FASN: variants seen among roughly 807,000 people sequenced by gnomAD.
The protein encoded by FASN is 3-hydroxyacyl-[acyl-carrier-protein] dehydratase.
Under a neutral mutation model 250.0 loss-of-function variants are expected in FASN, and 50 were observed. The ratio of observed to expected loss-of-function variants is 0.20; its 90% confidence interval spans 0.16 to 0.25. The LOEUF is 0.25. Among genes scored for constraint, FASN ranks in the 10% least tolerant of loss-of-function variants. The pLI is 1.00. For synonymous variants in FASN, 1,909 were observed against 1,584.0 expected (o/e 1.21, Z -4.87); for missense variants, 3,031 against 3,498.5 (o/e 0.87, Z 3.37).
intron 14 of FASN, 41 bp downstream of exon 14, chr17:82,088,928 T>C: frequency 6.2e-7 from 1 of 1,608,456 alleles, no homozygotes; most frequent in Non-Finnish European, 8.5e-7. Context: ...GAGGCGCCCA[T>C]CCCAGGCTCC....
Position 82,085,309 on chromosome 17 carries a change from G to T in FASN, c.4216C>A (p.Pro1406Thr), listed in dbSNP as rs1310780026. 1 of 1,611,124 alleles carries T rather than the reference G, an allele frequency of 6.2e-7. No individual in the cohort carries two copies. Among genetic ancestry groups the T allele is most frequent in the Non-Finnish European group, 8.5e-7 (1 of 1,179,368 alleles). The change falls in exon 24 of 43, where the codon CCC (proline) becomes ACC (threonine). Residue 1406 changes from proline to threonine, a missense_variant. Transcript: ENST00000306749. ...YGSTLFLCRRPTPQDSPIFLP... is the reference protein window; with the variant it reads ...YGSTLFLCRRTTPQDSPIFLP... ...AAGATGGGGCTGTCCTGCGGGGTGG[G>T]CCGGCGGCACAGGAAGAGCGTGGAG... is the stretch of plus-strand genomic sequence containing the variant.
chr17:82,088,363 C>T (rs1204977499), intron 16 of FASN, 27 bp downstream of exon 16: 2 of 1,611,216 alleles, frequency 1.2e-6, no homozygotes, highest in East Asian at 2.2e-5. Context: ...AGGGAAGAGT[C>T]TGCCCACCCG....
chr17:82,082,601 G>A lies in FASN; in HGVS notation c.5845C>T (p.Leu1949=). The change falls in exon 34 of 43, where the codon CTG becomes TTG. Residue 1949 remains leucine (L), a synonymous_variant. Transcript: ENST00000306749. ...GCAATGAGGCCCCGGGCCCCCTCCA[G>A]TGAGCTGATGTTGCTGGTGGACACC... ...VQVSTSNISS[L]EGARGLIAEA... 1 of 1,610,694 alleles carries A rather than the reference G, an allele frequency of 6.2e-7. No homozygotes were observed. Among genetic ancestry groups the A allele is most frequent in the Non-Finnish European group, 8.5e-7 (1 of 1,179,900 alleles).
Position 82,096,394 on chromosome 17 carries a change from TCTCCGA to T in FASN, c.46_51del (p.Ser16_Glu17del). ...AGGTTGTCCCAGAACTCCTGCAAGT[TCTCCGA>T]CTCTGGCAGCTTCCCGGACATGCCG... On this transcript the variant is annotated inframe_deletion, in exon 2 of 43. Transcript: ENST00000306749. 6.2e-7 allele frequency: 1 copy of T among 1,612,908 alleles called. No homozygotes were observed. The highest frequency in any genetic ancestry group is 8.5e-7 in the Non-Finnish European group (1 of 1,179,986).
chr17:82,081,479 G>A, intron 37 of FASN, 122 bp downstream of exon 37: 2 of 1,582,752 alleles, frequency 1.3e-6, no homozygotes, highest in Admixed American at 3.3e-5. Context: ...AGTGACACCT[G>A]CGCCCGCACC....
Position 82,084,385 on chromosome 17 carries a change from C to A in FASN, c.4769-1G>T. 6.2e-7 allele frequency: 1 copy of A among 1,604,962 alleles called. No homozygotes were observed. Among genetic ancestry groups the A allele is most frequent in the African/African-American group, 1.3e-5 (1 of 74,914 alleles). On this transcript the variant is annotated splice_acceptor_variant, in intron 27 of 42. Transcript: ENST00000306749. LOFTEE classifies it high-confidence loss of function. ...AGGCTGTCCTGGGAGGTCCACTTCC[C>A]TGGGGGAGACGGCACTGAGCCCCTC... is the stretch of plus-strand genomic sequence containing the variant.
In FASN at chr17:82,079,125, G is replaced by A; in HGVS notation, c.*18C>T. ...GGGGATGGTGGAGTGACCTCCGGTG[G>A]CAGGCGGGGGCACGGGCCTAGCCCT... On this transcript the variant is annotated 3_prime_UTR_variant, in exon 43 of 43. Transcript: ENST00000306749. 6.2e-7 allele frequency: 1 copy of A among 1,606,666 alleles called. No individual in the cohort carries two copies. The highest frequency in any genetic ancestry group is 8.5e-7 in the Non-Finnish European group (1 of 1,179,380).
rs1219975312 is a variant in FASN, at chr17:82,093,620, G to A, written c.432C>T (p.Leu144=). 7 of 1,612,792 alleles carry A rather than the reference G, an allele frequency of 4.3e-6. No homozygotes were observed. Among genetic ancestry groups the A allele is most frequent in the South Asian group, 1.1e-5 (1 of 91,084 alleles). The change falls in exon 4 of 43, where the codon CTC becomes CTT. Residue 144 remains leucine (L), a synonymous_variant. Transcript: ENST00000306749. The part of the protein sequence containing the change: ...GCQRAMMANR[L]SFFFDFRGPS... ...CACCTCTGAAGTCGAAGAAGAAGGA[G>A]AGCCGGTTGGCCATCATCGCTCGCT...
At chr17:82,096,567 C>T (rs1459084402) in intron 1 of FASN, 115 bp from the exon 2 acceptor site, 13 of 1,500,564 alleles carry the variant, frequency 8.7e-6, no homozygotes, top group African/African-American at 1.4e-5. Context: ...CCTGAGGGTC[C>T]GTGCGGGCCC....
rs1242480637 is a variant in FASN at position 82,085,147 on chromosome 17, C to A, written c.4297G>T (p.Ala1433Ser). 6.2e-7 allele frequency: 1 copy of A among 1,612,616 alleles called. No homozygotes were observed. The highest frequency in any genetic ancestry group is 1.7e-5 in the Admixed American group (1 of 60,026). ...ACAGGCCGGGAAGAGTCTTCGTCAG[C>A]CAGGATGCCCTACAGCGGGTCGGGG... ...RWVESLKGIL[A>S]DEDSSRPVWL... Residue 1433 changes from alanine to serine, a missense_variant, in exon 25 of 43, where the codon GCT becomes TCT. Physicochemically the swap from Ala to Ser is moderately conservative, Grantham distance 99. Transcript: ENST00000306749.
intron 1 of FASN, 51 bp from the exon 2 acceptor site, chr17:82,096,503 C>G: frequency 1.2e-6 from 2 of 1,602,396 alleles, no homozygotes; most frequent in Non-Finnish European, 1.7e-6. Flanking sequence ...ACGACACCCC[C>G]GTCAACAGCC....
rs750638732 is a variant in FASN at position 82,087,771 on chromosome 17, G to A, written c.2957C>T (p.Ala986Val). 6.2e-6 allele frequency: 10 copies of A among 1,612,500 alleles called. No individual in the cohort carries two copies. Among genetic ancestry groups the A allele is most frequent in the South Asian group, 1.1e-5 (1 of 91,080 alleles). ...CAGCTCCTTGTAAACTTCAGCCTGG[G>A]CCAGGAAGAGGGGCTCCGTGGGGTT... Reference protein sequence around the residue: ...TPNPTEPLFLAQAEVYKELRL... With the variant: ...TPNPTEPLFLVQAEVYKELRL... The change falls in exon 19 of 43, where the codon GCC (alanine) becomes GTC (valine). Residue 986 changes from alanine to valine, a missense_variant. Physicochemically the swap from Ala to Val is moderately conservative, Grantham distance 64 (BLOSUM62 0). Coordinates refer to ENST00000306749, the MANE Select transcript of FASN (RefSeq NM_004104.5).
Position 82,083,898 on chromosome 17 carries a change from A to C in FASN, c.5099-7T>G. 1 of 1,561,534 alleles carries C rather than the reference A, an allele frequency of 6.4e-7. No individual in the cohort carries two copies. The highest frequency in any genetic ancestry group is 8.7e-7 in the Non-Finnish European group (1 of 1,152,746). Reference sequence around the variant, plus strand: ...GCCCGCTTCTCAGCCGACCCTGGTGAAGAGAGGAAGCGCGGCTGGTGAGCC... The same window carrying C: ...GCCCGCTTCTCAGCCGACCCTGGTGCAGAGAGGAAGCGCGGCTGGTGAGCC... On this transcript the variant is annotated splice_region_variant and splice_polypyrimidine_tract_variant and intron_variant, in intron 29 of 42. Transcript: ENST00000306749.
chr17:82,088,611 G>A, intron 15 of FASN, 49 bp from the exon 16 acceptor site: 16 of 1,583,830 alleles, frequency 1.0e-5, no homozygotes, highest in Non-Finnish European at 1.1e-5. Context: ...GGGGTCCAGG[G>A]GCTCTGGGTT....
chr17:82,093,808 C>T, intron 3 of FASN, 37 bp from the exon 4 acceptor site: 2 of 1,606,834 alleles, frequency 1.2e-6, no homozygotes, highest in Non-Finnish European at 1.7e-6. Flanking sequence ...ACGGCCGGGC[C>T]CCACAGCGCA....
At chr17:82,090,674 C>G in intron 10 of FASN, 110 bp from the exon 11 acceptor site, 1 of 1,152,902 alleles carries the variant, frequency 8.7e-7, no homozygotes, top group South Asian at 1.3e-5. Flanking sequence ...TCGACCCTCC[C>G]AGGTCTCCTG....
Position 82,087,312 on chromosome 17 carries a change from G to T in FASN, c.3223+13C>A. 2 of 1,610,038 alleles carry T rather than the reference G, an allele frequency of 1.2e-6. No homozygotes were observed. Among genetic ancestry groups the T allele is most frequent in the Non-Finnish European group, 1.7e-6 (2 of 1,179,100 alleles). On this transcript the variant is annotated intron_variant, in intron 20 of 42. Transcript: ENST00000306749. The stretch of plus-strand genomic sequence containing the variant: ...TGGGTGGGGGCACTGGGCTGGGGCT[G>T]GGGCGGGGCTACCTTGGGCCTTGTC...
rs766446511 is a variant in FASN, at chr17:82,081,769, C to T, written c.6238G>A (p.Val2080Ile). The change falls in exon 37 of 43, where the codon GTC becomes ATC. Residue 2080 changes from valine to isoleucine, a missense_variant. Coordinates refer to ENST00000306749, the MANE Select transcript of FASN (RefSeq NM_004104.5). The stretch of plus-strand genomic sequence containing the variant: ...ATGCGCTGGGGCAGCGTGCCACTGA[C>T]GATCGTGTCGTTGGTGCTCATCGTC... ...VETMSTNDTI[V>I]SGTLPQRMAS... 14 of 1,612,646 alleles carry T rather than the reference C, an allele frequency of 8.7e-6. No homozygotes were observed. The highest frequency in any genetic ancestry group is 3.3e-5 in the Admixed American group (2 of 60,020).
At chr17:82,089,420 T>G in intron 12 of FASN, 36 bp from the exon 13 acceptor site, 1 of 1,612,630 alleles carries the variant, frequency 6.2e-7, no homozygotes, top group Non-Finnish European at 8.5e-7. Flanking sequence ...GCATCCTGGC[T>G]GGGCACCCAC....
Sources: allele counts gnomAD v4.1 joint callset, GRCh38; gene constraint gnomAD v4.1.1; transcripts MANE v1.5; gene names NCBI Gene and HGNC (gene_info 2026-07-23, HGNC 2026-07-21).